The following NCAPD3 variants were observed in gnomAD, a reference collection of about 807,000 sequenced individuals.
The protein encoded by NCAPD3 is condensin-2 complex subunit D3.
Under a neutral mutation model 182.9 loss-of-function variants are expected in NCAPD3, and 105 were observed. The ratio of observed to expected loss-of-function variants is 0.57; its 90% CI spans 0.49 to 0.68. The LOEUF is 0.68. Among genes scored for constraint, NCAPD3 ranks in the 30% least tolerant of loss-of-function variants. NCAPD3 has a pLI of 0.00. For missense variants in NCAPD3, 1,944 were observed against 1,837.0 expected (o/e 1.06, Z -1.07); for synonymous variants, 815 against 679.9 (o/e 1.20, Z -3.09).
intron 3 of NCAPD3, among the ~76,000 whole-genome samples, chr11:134,212,856 G>A (rs1428400599): frequency 6.6e-6 from 1 of 151,884 alleles, no homozygotes; most frequent in Non-Finnish European, 1.5e-5. Context: ...AGAGACAAGG[G>A]ATACTAAAAT....
At position 134,161,729 on chromosome 11, in the gene NCAPD3, A is replaced by C. The variant is rs1943586295; in HGVS notation, c.3684+52T>G. 4 of 1,079,880 alleles carry C rather than the reference A, an allele frequency of 3.7e-6. 1 individual carries two copies. In the East Asian group the frequency reaches 7.2e-5, roughly 20 times the overall value. 66.9% of individuals were successfully genotyped at this position (1,079,880 alleles called of 1,614,324 possible). On this transcript the variant is annotated intron_variant, in intron 28 of 34. Coordinates refer to ENST00000534548, the MANE Select transcript of NCAPD3 (RefSeq NM_015261.3). ...ACTGTCATAACTGGCAGAAGATCCT[A>C]AGTAATGAACTGGTAGGACAACAAC...
intron 34 of NCAPD3, 32 bp from the exon 35 acceptor site, chr11:134,153,084 A>C: frequency 6.2e-7 from 1 of 1,611,860 alleles, no homozygotes; most frequent in Non-Finnish European, 8.5e-7. Flanking sequence ...TCATTCTGGA[A>C]CTCAGAAAAA....
intron 16 of NCAPD3, among the ~76,000 whole-genome samples, chr11:134,191,431 G>A (rs557696882): frequency 9.9e-5 from 15 of 152,198 alleles, no homozygotes; most frequent in East Asian, 3.9e-4. Flanking sequence ...TGGTTACACA[G>A]GCATACTCTC....
rs572063290 is a variant in NCAPD3 at position 134,162,079 on chromosome 11, C to T, written c.3574-188G>A. On this transcript the variant is annotated intron_variant, in intron 27 of 34. Transcript: ENST00000534548. The stretch of plus-strand genomic sequence containing the variant: ...AGACTTTGTAAGCATTACCTCAAAA[C>T]ACTCTGAAGGCTTTGTAAGATAGGG... Among the ~76,000 whole-genome samples, 18 of 152,326 alleles carry T rather than the reference C, an allele frequency of 1.2e-4. No individual in the cohort carries two copies. In the East Asian group the frequency reaches 3.5e-3, roughly 29 times the overall value.
intron 17 of NCAPD3, among the ~76,000 whole-genome samples, 156 bp from the exon 18 acceptor site, chr11:134,185,156 G>T (rs1315738886): frequency 1.3e-5 from 2 of 152,102 alleles, no homozygotes; most frequent in Non-Finnish European, 2.9e-5. Context: ...TAATGTACTT[G>T]GACAAAGGGG....
chr11:134,188,534 C>T (rs1419215970), intron 16 of NCAPD3, among the ~76,000 whole-genome samples: 1 of 152,204 alleles, frequency 6.6e-6, no homozygotes, highest in Non-Finnish European at 1.5e-5. Flanking sequence ...TGTAACACCG[C>T]AAGGGTCTGC....
At chr11:134,162,691 G>T (rs1458004443) in intron 27 of NCAPD3, among the ~76,000 whole-genome samples, 2 of 152,198 alleles carry the variant, frequency 1.3e-5, no homozygotes. Flanking sequence ...ACCCAGATGT[G>T]AGCAGATGTT....
rs1247176681 is a variant in NCAPD3 at position 134,165,411 on chromosome 11, G to A, written c.3573+2585C>T. 3.3e-5 allele frequency among the ~76,000 whole-genome samples: 5 copies of A among 149,558 alleles called. No homozygotes were observed. In the East Asian group the frequency reaches 8.1e-4, roughly 24 times the overall value. The stretch of plus-strand genomic sequence containing the variant: ...GGGAAGGGGCACACTTCTGAGATGA[G>A]CTTAGGGGAAGAAGCACACTCGTGA... On this transcript the variant is annotated intron_variant, in intron 27 of 34. Coordinates refer to ENST00000534548, the MANE Select transcript of NCAPD3 (RefSeq NM_015261.3).
chr11:134,165,994 G>A (rs1381762322), intron 27 of NCAPD3, among the ~76,000 whole-genome samples: 19 of 126,750 alleles, frequency 1.5e-4, no homozygotes, highest in Non-Finnish European at 1.2e-4. Context: ...AGCTTAGGGA[G>A]AGCAGCACAC....
At chr11:134,209,045 C>T (rs2136018672) in intron 6 of NCAPD3, 94 bp from the exon 7 acceptor site, 2 of 1,451,014 alleles carry the variant, frequency 1.4e-6, no homozygotes, top group African/African-American at 1.4e-5. Flanking sequence ...ATAAATTCTA[C>T]CTGTGTGCCA....
intron 13 of NCAPD3, among the ~76,000 whole-genome samples, chr11:134,195,993 A>G (rs149991796): frequency 1.4e-4 from 21 of 152,302 alleles, no homozygotes; most frequent in Admixed American, 3.3e-4. Context: ...CTGCTTATAT[A>G]TAAGAAGGCA....
chr11:134,201,098 C>T (rs1049297940), intron 13 of NCAPD3, among the ~76,000 whole-genome samples: 6 of 150,246 alleles, frequency 4.0e-5, no homozygotes, highest in Admixed American at 6.6e-5. Context: ...AATCTCGGCT[C>T]ACTGCAACCT....
At chr11:134,208,982 G>A (rs1475065469) in intron 6 of NCAPD3, 31 bp from the exon 7 acceptor site, 8 of 1,518,042 alleles carry the variant, frequency 5.3e-6, no homozygotes, top group Non-Finnish European at 6.3e-6. Context: ...ATTAGTTAAT[G>A]GATATGATTT....
chr11:134,207,415 C>CCAA (rs1165172296), intron 7 of NCAPD3, among the ~76,000 whole-genome samples: 1 of 151,958 alleles, frequency 6.6e-6, no homozygotes, highest in East Asian at 1.9e-4. Context: ...AGGCTAAAAA[C>CCAA]CAACATTGCC....
At chr11:134,182,846 G>C (rs780578621) in intron 19 of NCAPD3, among the ~76,000 whole-genome samples, 1 of 152,232 alleles carries the variant, frequency 6.6e-6, no homozygotes, top group Non-Finnish European at 1.5e-5. Flanking sequence ...GTGTTTAGGG[G>C]AAACAAGCGG....
intron 31 of NCAPD3, 142 bp from the exon 32 acceptor site, chr11:134,157,237 G>A (rs1173985495): frequency 1.6e-5 from 9 of 559,040 alleles, no homozygotes; most frequent in African/African-American, 1.9e-5. Context: ...GGCAATTCAG[G>A]AAGAAATACA....
chr11:134,159,869 A>G, intron 29 of NCAPD3, 23 bp downstream of exon 29: 1 of 1,604,104 alleles, frequency 6.2e-7, no homozygotes, highest in East Asian at 2.2e-5. Context: ...GTCTGGTCAC[A>G]GTGCAGTGGG....
At chr11:134,165,958 G>A (rs1233882121) in intron 27 of NCAPD3, among the ~76,000 whole-genome samples, 2 of 123,890 alleles carry the variant, frequency 1.6e-5, no homozygotes, top group African/African-American at 3.1e-5. Flanking sequence ...AGATGAGCTT[G>A]GGGGAGGGGC....
At chr11:134,161,144 AG>A (rs1472081942) in intron 28 of NCAPD3, among the ~76,000 whole-genome samples, 1 of 152,162 alleles carries the variant, frequency 6.6e-6, no homozygotes, top group Admixed American at 6.5e-5. Flanking sequence ...TTTTTGAGGA[AG>A]AAAAACACAT....
Sources: gnomAD v4.1 joint callset for allele counts (sites outside exome capture counted in the v4.1 genomes callset) on GRCh38, gnomAD v4.1.1 for gene constraint, MANE v1.5 for transcripts, NCBI Gene and HGNC (gene_info 2026-07-23, HGNC 2026-07-21) for gene names.